The following ZMIZ1 variants were observed in gnomAD, a reference collection of about 807,000 sequenced individuals.
The protein encoded by ZMIZ1 is zinc finger MIZ domain-containing protein 1.
A neutral mutation model predicts 113.9 loss-of-function variants in ZMIZ1; 17 were observed. That is an observed-to-expected ratio of 0.15 (90% CI 0.10 to 0.22). ZMIZ1 has a LOEUF of 0.22. Among genes scored for constraint, ZMIZ1 ranks in the 10% least tolerant of loss-of-function variants. ZMIZ1 has a pLI of 1.00. For synonymous variants in ZMIZ1, 607 were observed against 603.1 expected, an observed-to-expected ratio of 1.01 and a Z score of -0.09; for missense variants, 1,059 against 1,477.8, an observed-to-expected ratio of 0.72 and a Z score of 4.65.
At chr10:79,311,287 A>T in intron 24 of ZMIZ1, 103 bp downstream of exon 24, 92 of 131,422 alleles carry the variant, frequency 7.0e-4, no homozygotes, top group Non-Finnish European at 1.1e-3. Flanking sequence ...CGAAGGGAGG[A>T]GGTGGGTGGG....
chr10:79,188,873 A>G lies in ZMIZ1; in HGVS notation c.-49-12711A>G, dbSNP rs370770548. 1.2e-3 allele frequency among the ~76,000 whole-genome samples: 179 copies of G among 152,338 alleles called. 3 individuals carry two copies. In the Middle Eastern group the frequency reaches 0.024, roughly 20 times the overall value. ...GCCCTTCCCATGCAAGCGTGCTTTCATGATCTCCCAGAGGAGGACAGAAGA... is the reference window on the plus strand; with the variant it reads ...GCCCTTCCCATGCAAGCGTGCTTTCGTGATCTCCCAGAGGAGGACAGAAGA... On this transcript the variant is annotated intron_variant, in intron 4 of 24. Coordinates refer to ENST00000334512, the MANE Select transcript of ZMIZ1 (RefSeq NM_020338.4).
intron 7 of ZMIZ1, among the ~76,000 whole-genome samples, chr10:79,257,957 C>T (rs889349204): frequency 1.3e-5 from 2 of 152,202 alleles, no homozygotes; most frequent in Non-Finnish European, 2.9e-5. Flanking sequence ...CAGGCTTTGT[C>T]CTGGGCATTT....
At chr10:79,305,814 G>A (rs562015116) in intron 21 of ZMIZ1, among the ~76,000 whole-genome samples, 33 of 152,278 alleles carry the variant, frequency 2.2e-4, no homozygotes, top group African/African-American at 7.9e-4. Flanking sequence ...GCCACAGCAG[G>A]AGGCTGACAG....
At chr10:79,166,345 C>T (rs1218996624) in intron 4 of ZMIZ1, among the ~76,000 whole-genome samples, 5 of 152,252 alleles carry the variant, frequency 3.3e-5, no homozygotes, top group Admixed American at 1.3e-4. Flanking sequence ...AATCTGGCTC[C>T]AGCCAACATG....
At chr10:79,286,794 C>T (rs1239582028) in intron 8 of ZMIZ1, among the ~76,000 whole-genome samples, 3 of 152,362 alleles carry the variant, frequency 2.0e-5, no homozygotes, top group South Asian at 2.1e-4. Flanking sequence ...GCCTGTGTAG[C>T]GTCCTGGGCT....
chr10:79,302,581 C>A (rs1289275861), intron 18 of ZMIZ1, among the ~76,000 whole-genome samples: 1 of 150,460 alleles, frequency 6.6e-6, no homozygotes, highest in Non-Finnish European at 1.5e-5. Flanking sequence ...CTGGGCCAGG[C>A]CTTTAAAAGA....
At chr10:79,163,684 G>A (rs947056009) in intron 4 of ZMIZ1, among the ~76,000 whole-genome samples, 1 of 152,250 alleles carries the variant, frequency 6.6e-6, no homozygotes, top group South Asian at 2.1e-4. Flanking sequence ...AGGCCTTAGA[G>A]GCCAGGGGCG....
At chr10:79,082,495 A>T (rs1401738378) in intron 1 of ZMIZ1, among the ~76,000 whole-genome samples, 1 of 152,112 alleles carries the variant, frequency 6.6e-6, no homozygotes, top group Non-Finnish European at 1.5e-5. Flanking sequence ...AGATGCCCAA[A>T]CTATTGGAGC....
chr10:79,234,788 G>A (rs538480291), intron 7 of ZMIZ1, among the ~76,000 whole-genome samples: 1 of 152,320 alleles, frequency 6.6e-6, no homozygotes, highest in South Asian at 2.1e-4. Flanking sequence ...GGAATTAGCA[G>A]GAGTCAGTTC....
At position 79,069,891 on chromosome 10, in the gene ZMIZ1, C is replaced by CG. The variant is rs1008408269; in HGVS notation, c.-337+623dup. ...TGGCGCGCGGTACAAACGAGAAACG[C>CG]GGAGGTGTGTGTGCAGGGTTTTCTC... On this transcript the variant is annotated intron_variant, in intron 1 of 24. Transcript: ENST00000334512. The surrounding 1 kb of genome is among the most constrained non-coding windows in gnomAD (Gnocchi z 4.6). Among the ~76,000 whole-genome samples, 1 of 151,674 alleles carries CG rather than the reference C, an allele frequency of 6.6e-6. No individual in the cohort carries two copies. The highest frequency in any genetic ancestry group is 1.5e-5 in the Non-Finnish European group (1 of 67,890).
At chr10:79,107,656 A>G (rs1843608602) in intron 1 of ZMIZ1, among the ~76,000 whole-genome samples, 1 of 152,232 alleles carries the variant, frequency 6.6e-6, no homozygotes, top group Non-Finnish European at 1.5e-5. Flanking sequence ...GGAGGCATTC[A>G]GAAAGGCTCC....
intron 3 of ZMIZ1, among the ~76,000 whole-genome samples, chr10:79,145,251 TG>T (rs1771768842): frequency 6.6e-6 from 1 of 152,188 alleles, no homozygotes; most frequent in South Asian, 2.1e-4. Context: ...CTGCCTCCTC[TG>T]CTCACATTTC....
At chr10:79,081,266 A>G (rs1455175120) in intron 1 of ZMIZ1, among the ~76,000 whole-genome samples, 1 of 152,152 alleles carries the variant, frequency 6.6e-6, no homozygotes, top group Non-Finnish European at 1.5e-5. Flanking sequence ...GCTGAGTCTA[A>G]GGCTGGAGAA....
At chr10:79,165,076 G>C (rs1037144591) in intron 4 of ZMIZ1, among the ~76,000 whole-genome samples, 6 of 152,200 alleles carry the variant, frequency 3.9e-5, no homozygotes, top group African/African-American at 9.6e-5. Context: ...GGTTGGGTAG[G>C]GGGGTGGGGA....
chr10:79,233,941 A>G (rs1213099543), intron 7 of ZMIZ1, among the ~76,000 whole-genome samples: 1 of 152,102 alleles, frequency 6.6e-6, no homozygotes, highest in African/African-American at 2.4e-5. Context: ...CAGAGTGTAT[A>G]TATGTCTTTA....
intron 7 of ZMIZ1, among the ~76,000 whole-genome samples, chr10:79,225,563 C>CA (rs59690398): frequency 0.12 from 17,427 of 151,474 alleles, 1,208 homozygotes; most frequent in East Asian, 0.3. Flanking sequence ...GACATCTCTA[C>CA]AAAAAAATTT....
chr10:79,182,874 A>G (rs12571751), intron 4 of ZMIZ1, among the ~76,000 whole-genome samples: 70,636 of 152,090 alleles, frequency 0.46, 16,535 homozygotes, highest in Admixed American at 0.48. Context: ...CATTAGATGT[A>G]CACTGTTTTC....
At chr10:79,088,829 A>G (rs1033009151) in intron 1 of ZMIZ1, among the ~76,000 whole-genome samples, 14 of 152,144 alleles carry the variant, frequency 9.2e-5, no homozygotes, top group African/African-American at 3.1e-4. Context: ...CCCCCAGGCA[A>G]AGCTCACATC....
chr10:79,277,524 C>T (rs1852375815), intron 8 of ZMIZ1, among the ~76,000 whole-genome samples, 199 bp downstream of exon 8: 1 of 152,222 alleles, frequency 6.6e-6, no homozygotes, highest in African/African-American at 2.4e-5. Flanking sequence ...CTGAGTTTGT[C>T]ACTTTGGTGG....
Sources: gnomAD v4.1 joint callset for allele counts (sites outside exome capture counted in the v4.1 genomes callset) on GRCh38, gnomAD v4.1.1 for gene constraint, Gnocchi (gnomAD v3.1) non-coding constraint, MANE v1.5 for transcripts, NCBI Gene and HGNC (gene_info 2026-07-23, HGNC 2026-07-21) for gene names.